Variants in WDR74 observed in about 807,000 individuals in gnomAD.
WDR74 encodes the protein WD repeat domain 74.
In WDR74, 31 loss-of-function variants were observed where a neutral mutation model predicts 45.6. The observed-to-expected ratio is 0.68, with a 90% CI of 0.51 to 0.92. The LOEUF (loss-of-function observed/expected upper bound fraction) is 0.92. Among genes scored for constraint, WDR74 ranks in the 40% least tolerant of loss-of-function variants. The pLI is 0.00. For synonymous variants in WDR74, 191 were observed against 192.4 expected, an observed-to-expected ratio of 0.99 and a Z score of 0.06; for missense variants, 455 against 497.2, an observed-to-expected ratio of 0.92 and a Z score of 0.81.
At chr11:62,833,248 G>C (rs2084900124) in intron 10 of WDR74, 117 bp from the exon 11 acceptor site, 1 of 826,756 alleles carries the variant, frequency 1.2e-6, no homozygotes, top group Admixed American at 3.3e-5. Context: ...AGGACTTAGC[G>C]ACCAGACTGG....
At chr11:62,841,362 T>A (rs960520295), upstream of WDR74, among the ~76,000 whole-genome samples, 1 of 151,574 alleles carries the variant, frequency 6.6e-6, no homozygotes, top group Non-Finnish European at 1.5e-5. Context: ...TAGCCGGGGG[T>A]GGTGGCAAGC....
chr11:62,835,338 TG>T, intron 6 of WDR74, 92 bp downstream of exon 6: 1 of 1,163,886 alleles, frequency 8.6e-7, no homozygotes, highest in Non-Finnish European at 1.3e-6. Context: ...GAACTCAGAA[TG>T]GTGAGAAGAG....
At position 62,833,636 on chromosome 11, in the gene WDR74, T is replaced by C. The variant is rs539798030; in HGVS notation, c.960A>G (p.Ser320=). ...TGCTCACCTCCCAGTTGTCCCTGCC[T>C]GACAAGAGGAGGCAGTTCAATTGAG... ...LKSQLNCLLL[S]GRDNWEDEPQ... Residue 320 remains serine, a synonymous_variant, in exon 10 of 11, where the codon TCA becomes TCG. Coordinates refer to ENST00000278856, the MANE Select transcript of WDR74 (RefSeq NM_001369450.1). 7 of 1,552,572 alleles carry C rather than the reference T, an allele frequency of 4.5e-6. No individual in the cohort carries two copies. In the South Asian group the frequency reaches 4.8e-5, roughly 11 times the overall value.
rs760257748 is a variant in WDR74 at position 62,833,474 on chromosome 11, T to C, written c.978+144A>G. On this transcript the variant is annotated intron_variant, in intron 10 of 10. Coordinates refer to ENST00000278856, the MANE Select transcript of WDR74 (RefSeq NM_001369450.1). ...AATAACCCTCTCAGGATTTTAACTG[T>C]TAATGCCTCTCAGAGAAATTAAGTG... 692 of 1,031,988 alleles carry C rather than the reference T, an allele frequency of 6.7e-4. 1 individual carries two copies. Among genetic ancestry groups the C allele is most frequent in the Non-Finnish European group, 8.5e-4 (609 of 716,140 alleles). The allele number at this position is 1,031,988 out of a possible 1,614,324, so 63.9% of individuals were successfully genotyped here. A position where few individuals can be genotyped will look rare whatever the true frequency, so the allele number is the denominator to read the frequency against.
At chr11:62,838,311 C>G (rs2084988668) in intron 3 of WDR74, among the ~76,000 whole-genome samples, 1 of 151,914 alleles carries the variant, frequency 6.6e-6, no homozygotes, top group African/African-American at 2.4e-5. Context: ...AGCCACCACA[C>G]CCGGATAATT....
chr11:62,839,266 G>C (rs2085007868), intron 2 of WDR74, 31 bp from the exon 3 acceptor site: 1 of 1,612,326 alleles, frequency 6.2e-7, no homozygotes, highest in Admixed American at 1.7e-5. Flanking sequence ...ATGGCGAGGA[G>C]AGCGAGGCTG....
upstream of WDR74, chr11:62,841,434 A>ATG (rs1261444219): frequency 6.6e-6 from 1 of 152,236 alleles, no homozygotes; most frequent in African/African-American, 2.4e-5. Context: ...CCACATGGAG[A>ATG]TACTACGCTC....
chr11:62,834,560 C>A, intron 6 of WDR74, 33 bp from the exon 7 acceptor site: 1 of 1,580,012 alleles, frequency 6.3e-7, no homozygotes. Context: ...CAAAAGTATC[C>A]TCACCCTGCA....
At chr11:62,833,160 CAG>C (rs774857993) in intron 10 of WDR74, 29 bp from the exon 11 acceptor site, 9 of 1,607,880 alleles carry the variant, frequency 5.6e-6, no homozygotes, top group Non-Finnish European at 7.6e-6. Context: ...GCTTAGGAGT[CAG>C]GGGGGCCGGG....
At chr11:62,841,248 C>G (rs1239324773), upstream of WDR74, among the ~76,000 whole-genome samples, 2 of 152,058 alleles carry the variant, frequency 1.3e-5, no homozygotes, top group African/African-American at 4.8e-5. Flanking sequence ...ACCCGGGAGG[C>G]GGATGTTGCA....
In WDR74 at chr11:62,836,577, G is replaced by A. The variant is rs540446245; in HGVS notation, c.294-541C>T. 5 of 161,202 alleles carry A rather than the reference G, an allele frequency of 3.1e-5. No individual in the cohort carries two copies. In the South Asian group the frequency reaches 6.5e-4, roughly 21 times the overall value. 10.0% of individuals were successfully genotyped at this position (161,202 alleles called of 1,614,324 possible). On this transcript the variant is annotated intron_variant, in intron 3 of 10. Transcript: ENST00000278856. ...GTCTCTTGCTTAAAATATCCCTCCC[G>A]AGAAGTCCAAGCAAGTCTCTCCCCA...
chr11:62,841,470 T>C (rs2085049948), upstream of WDR74: 1 of 152,022 alleles, frequency 6.6e-6, no homozygotes, highest in South Asian at 2.1e-4. Flanking sequence ...AACAAAACCT[T>C]CTCTCAACAA....
intron 3 of WDR74, among the ~76,000 whole-genome samples, chr11:62,838,189 G>C (rs1370401600): frequency 6.6e-6 from 1 of 152,084 alleles, no homozygotes; most frequent in South Asian, 2.1e-4. Flanking sequence ...GTCTTGCTCT[G>C]TTTCACAGAC....
Position 62,839,180 on chromosome 11 carries a change from A to G in WDR74, c.227T>C (p.Ile76Thr), listed in dbSNP as rs376677404. The G allele has an allele frequency of 1.2e-6, 2 of 1,613,648 alleles. No individual in the cohort carries two copies. Among genetic ancestry groups the G allele is most frequent in the Non-Finnish European group, 1.7e-6 (2 of 1,179,904 alleles). The stretch of plus-strand genomic sequence containing the variant: ...CGGGCAGTGTCTCTGACCCTGGAAT[A>G]TGCCATCCTCGGTGCTGAAGTGCTT... ...TVKHFSTEDG[I>T]FQGQRHCPGG... Residue 76 changes from isoleucine to threonine, a missense_variant, in exon 3 of 11, where the codon ATA becomes ACA. Physicochemically the swap from Ile to Thr is moderately conservative, Grantham distance 89 (BLOSUM62 -1). Transcript: ENST00000278856.
Position 62,837,867 on chromosome 11 carries a change from T to G in WDR74, c.293+1247A>C, listed in dbSNP as rs1590989102. 5.3e-5 allele frequency among the ~76,000 whole-genome samples: 8 copies of G among 152,322 alleles called. No homozygotes were observed. The South Asian group carries it at 1.7e-3, about 32-fold the overall frequency. On this transcript the variant is annotated intron_variant, in intron 3 of 10. Transcript: ENST00000278856. ...TTGCTTTCAGAGCTACATCACCTTGTTGGTGGTTGAGCTCAAGTTGAGCCC... is the reference window on the plus strand; with the variant it reads ...TTGCTTTCAGAGCTACATCACCTTGGTGGTGGTTGAGCTCAAGTTGAGCCC...
At chr11:62,834,126 G>T in intron 8 of WDR74, 150 bp downstream of exon 8, 1 of 1,439,844 alleles carries the variant, frequency 6.9e-7, no homozygotes, top group Non-Finnish European at 9.6e-7. Context: ...ATTAGTTTAA[G>T]GTCATACAGC....
In WDR74 at chr11:62,835,508, G is replaced by A. The variant is rs373374533; in HGVS notation, c.541C>T (p.Arg181Trp). The part of the protein sequence containing the change: ...KNVRNDWLDL[R>W]VPIWDQDIQF... The stretch of plus-strand genomic sequence containing the variant: ...ATGTCCTGGTCCCAGATGGGAACCC[G>A]CAAGTCCAGCCAGTCATTCCGCACC... Residue 181 changes from arginine to tryptophan, a missense_variant, in exon 6 of 11, where the codon CGG becomes TGG. Arg to Trp is a moderately radical substitution (Grantham distance 101). Coordinates refer to ENST00000278856, the MANE Select transcript of WDR74 (RefSeq NM_001369450.1). 2.5e-5 allele frequency: 40 copies of A among 1,613,850 alleles called. No homozygotes were observed. The highest frequency in any genetic ancestry group is 4.0e-5 in the African/African-American group (3 of 74,920).
At chr11:62,839,861 T>C (rs2085022128), upstream of WDR74, 2 of 431,132 alleles carry the variant, frequency 4.6e-6, no homozygotes, top group Non-Finnish European at 8.3e-6. Context: ...GTAATATGTG[T>C]TCTGGACTGT....
chr11:62,839,102 G>T lies in WDR74; in HGVS notation c.293+12C>A. ...CCTTCGGCCCTGAGTTTAGCGAGGG[G>T]ATTGGTCTTACCCGTCGGCCTGGGC... On this transcript the variant is annotated intron_variant, in intron 3 of 10. Coordinates refer to ENST00000278856, the MANE Select transcript of WDR74 (RefSeq NM_001369450.1). The T allele has an allele frequency of 6.2e-7, 1 of 1,612,848 alleles. No homozygotes were observed. The highest frequency in any genetic ancestry group is 1.1e-5 in the South Asian group (1 of 91,032).
Sources: gnomAD v4.1 joint callset for allele counts (sites outside exome capture counted in the v4.1 genomes callset) on GRCh38, gnomAD v4.1.1 for gene constraint, MANE v1.5 for transcripts, NCBI Gene and HGNC (gene_info 2026-07-23, HGNC 2026-07-21) for gene names.